The following PLXNA1 variants were observed in gnomAD, a reference collection of about 807,000 sequenced individuals.
The protein encoded by PLXNA1 is plexin A1.
Under a neutral mutation model 191.7 loss-of-function variants are expected in PLXNA1, and 77 were observed. That is an observed-to-expected ratio of 0.40 (90% CI 0.33 to 0.49). The LOEUF is 0.49. Among genes scored for constraint, PLXNA1 ranks in the 20% least tolerant of loss-of-function variants. PLXNA1 has a pLI of 0.63. For missense variants in PLXNA1, 2,110 were observed against 2,660.2 expected, an observed-to-expected ratio of 0.79 and a Z score of 4.55; for synonymous variants, 1,137 against 1,156.4, an observed-to-expected ratio of 0.98 and a Z score of 0.34.
At chr3:126,984,918 C>T (rs1171699360) in intron 1 of PLXNA1, among the ~76,000 whole-genome samples, 2 of 152,218 alleles carry the variant, frequency 1.3e-5, no homozygotes, top group African/African-American at 4.8e-5. Context: ...GACTCCAAGG[C>T]CTTCAGAGCC....
intron 2 of PLXNA1, among the ~76,000 whole-genome samples, chr3:126,990,728 G>A (rs2078986101): frequency 1.3e-5 from 2 of 152,228 alleles, no homozygotes; most frequent in African/African-American, 4.8e-5. Flanking sequence ...CACGCTCACT[G>A]CCTGTGTGAG....
chr3:127,014,062 C>T lies in PLXNA1; in HGVS notation c.2356C>T (p.Leu786=), dbSNP rs1481397537. 6.2e-7 allele frequency: 1 copy of T among 1,614,032 alleles called. No homozygotes were observed. Among genetic ancestry groups the T allele is most frequent in the Non-Finnish European group, 8.5e-7 (1 of 1,180,000 alleles). The part of the protein sequence containing the change: ...GNDVSDLPVN[L]SVVWNGNFVI... ...CGATGTCAGCGACCTGCCAGTGAAC[C>T]TGTCAGTCGTGTGGAACGGCAACTT... Residue 786 remains leucine (L), a synonymous_variant, in exon 11 of 32, where the codon CTG becomes TTG. Coordinates refer to ENST00000393409, the MANE Select transcript of PLXNA1 (RefSeq NM_032242.4).
chr3:127,013,791 G>A (rs956080773), intron 10 of PLXNA1, among the ~76,000 whole-genome samples: 1 of 152,228 alleles, frequency 6.6e-6, no homozygotes, highest in Admixed American at 6.5e-5. Context: ...AGGTGACTGT[G>A]GGAAGCACAG....
intron 3 of PLXNA1, among the ~76,000 whole-genome samples, chr3:127,002,476 G>A (rs929059100): frequency 4.6e-5 from 7 of 152,250 alleles, no homozygotes; most frequent in South Asian, 2.1e-4. Context: ...CTCTGTAACC[G>A]TGAGGAGTGA....
At position 127,012,140 on chromosome 3, in the gene PLXNA1, G is replaced by A; in HGVS notation, c.2295G>A (p.Leu765=). 1 of 1,612,350 alleles carries A rather than the reference G, an allele frequency of 6.2e-7. No individual in the cohort carries two copies. The highest frequency in any genetic ancestry group is 1.3e-5 in the African/African-American group (1 of 75,060). Residue 765 remains leucine (L), a synonymous_variant, in exon 10 of 32, where the codon CTG becomes CTA. Coordinates refer to ENST00000393409, the MANE Select transcript of PLXNA1 (RefSeq NM_032242.4). ...CCCTGCGCTTCAACAGCTCCAGCCT[G>A]CAGTGCCAGAATTCCTCGGTGAGGT... ...VTALRFNSSS[L]QCQNSSYSYE... is the part of the protein sequence containing the mutation.
In PLXNA1 at chr3:127,004,892, C is replaced by T. The variant is rs926249946; in HGVS notation, c.1627C>T (p.Arg543Trp). ...CAACCCCTCTGCCTGCAGCTGCTCG[C>T]GGCGGGACGCCTGTGAGCGAGCAGA... ...GWCVLHSICS[R>W]RDACERADEP... The change falls in exon 6 of 32, where the codon CGG (arginine) becomes TGG (tryptophan). Residue 543 changes from arginine (R) to tryptophan (W), a missense_variant. Transcript: ENST00000393409. The T allele has an allele frequency of 1.3e-5, 21 of 1,594,926 alleles. No homozygotes were observed. The highest frequency in any genetic ancestry group is 1.6e-5 in the Non-Finnish European group (19 of 1,168,602).
chr3:126,997,871 G>C (rs999079696), intron 3 of PLXNA1, among the ~76,000 whole-genome samples: 1 of 152,268 alleles, frequency 6.6e-6, no homozygotes, highest in Non-Finnish European at 1.5e-5. Flanking sequence ...CATTGATAAG[G>C]TGGAGGCAGC....
intron 9 of PLXNA1, among the ~76,000 whole-genome samples, chr3:127,011,487 A>G (rs2079095322): frequency 6.6e-6 from 1 of 152,224 alleles, no homozygotes; most frequent in South Asian, 2.1e-4. Context: ...CCGAGGGGCC[A>G]TCTCCTGAGG....
intron 9 of PLXNA1, among the ~76,000 whole-genome samples, chr3:127,011,158 CAG>C (rs1317544876): frequency 2.6e-5 from 4 of 152,248 alleles, no homozygotes; most frequent in African/African-American, 7.2e-5. Flanking sequence ...TCTGGGAACA[CAG>C]AGTTGCAAGT....
rs143684370 is a variant in PLXNA1, at chr3:127,016,553, C to T, written c.3051C>T (p.Pro1017=). The T allele has an allele frequency of 2.4e-4, 394 of 1,613,834 alleles. No individual in the cohort carries two copies. The highest frequency in any genetic ancestry group is 3.7e-4 in the Admixed American group (22 of 60,018). The change falls in exon 16 of 32, where the codon CCC becomes CCT. Residue 1017 remains proline, a synonymous_variant. Transcript: ENST00000393409. ...NSREIRCLTP[P]GQSPGSAPII... ...GTGAGATCCGGTGCCTGACACCCCC[C>T]GGGCAGAGCCCTGGCAGCGCTCCCA... is the stretch of plus-strand genomic sequence containing the variant.
At chr3:126,985,095 G>A (rs2078951790) in intron 1 of PLXNA1, among the ~76,000 whole-genome samples, 1 of 152,210 alleles carries the variant, frequency 6.6e-6, no homozygotes, top group African/African-American at 2.4e-5. Flanking sequence ...GCCATAGCAG[G>A]ATCTGGCGCA....
intron 23 of PLXNA1, among the ~76,000 whole-genome samples, chr3:127,025,540 C>T (rs934180368): frequency 5.9e-5 from 9 of 152,110 alleles, no homozygotes; most frequent in South Asian, 4.1e-4. Flanking sequence ...TTGGCCATGG[C>T]CACCTGCTCC....
intron 3 of PLXNA1, among the ~76,000 whole-genome samples, chr3:126,995,292 C>T (rs968043453): frequency 2.0e-5 from 3 of 152,176 alleles, no homozygotes; most frequent in African/African-American, 7.2e-5. Flanking sequence ...CTTCCTGCGC[C>T]CTGCTCCCAG....
rs1416923133 is a variant in PLXNA1, at chr3:127,036,111, C to T, written c.*2094C>T. On this transcript the variant is annotated 3_prime_UTR_variant, in exon 32 of 32. Transcript: ENST00000393409. ...GCTGGGATTCCTGTTCCTGGGTGCGCCTCCACCTCCCTTCTGATGTTTCCT... is the reference window on the plus strand; with the variant it reads ...GCTGGGATTCCTGTTCCTGGGTGCGTCTCCACCTCCCTTCTGATGTTTCCT... 1 of 152,768 alleles carries T rather than the reference C, an allele frequency of 6.5e-6. No homozygotes were observed. The highest frequency in any genetic ancestry group is 1.5e-5 in the Non-Finnish European group (1 of 68,150). The allele number at this position is 152,768 out of a possible 1,614,324, so 9.5% of individuals were successfully genotyped here. A position where few individuals can be genotyped will look rare whatever the true frequency, so the allele number is the denominator to read the frequency against.
intron 1 of PLXNA1, among the ~76,000 whole-genome samples, chr3:126,987,304 G>A (rs973424737): frequency 6.6e-6 from 1 of 152,222 alleles, no homozygotes; most frequent in African/African-American, 2.4e-5. Context: ...CTTTTCCAGA[G>A]GCAGTGGAGG....
At chr3:126,991,903 G>A in intron 3 of PLXNA1, among the ~76,000 whole-genome samples, 1 of 152,112 alleles carries the variant, frequency 6.6e-6, no homozygotes, top group East Asian at 1.9e-4. Flanking sequence ...GGTGGTGAGG[G>A]CAGGCCTGCG....
chr3:127,034,165 C>T lies in PLXNA1; in HGVS notation c.*148C>T, dbSNP rs766208438. ...CCCGGCCCTCCCTCCCCTGCCTCACCCGGTCGGGTCCCGGCTCTTCCTGTG... is the reference window on the plus strand; with the variant it reads ...CCCGGCCCTCCCTCCCCTGCCTCACTCGGTCGGGTCCCGGCTCTTCCTGTG... On this transcript the variant is annotated 3_prime_UTR_variant, in exon 32 of 32. Coordinates refer to ENST00000393409, the MANE Select transcript of PLXNA1 (RefSeq NM_032242.4). 372 of 668,922 alleles carry T rather than the reference C, an allele frequency of 5.6e-4. No individual in the cohort carries two copies. The highest frequency in any genetic ancestry group is 8.2e-4 in the Non-Finnish European group (323 of 394,172). 41.4% of individuals were successfully genotyped at this position (668,922 alleles called of 1,614,324 possible).
chr3:127,023,655 G>A (rs2079162966), intron 23 of PLXNA1, among the ~76,000 whole-genome samples: 1 of 152,210 alleles, frequency 6.6e-6, no homozygotes, highest in Non-Finnish European at 1.5e-5. Context: ...CTGGGCCGTG[G>A]GGCTTTCAGG....
chr3:127,016,426 G>A, intron 15 of PLXNA1, 91 bp from the exon 16 acceptor site: 1 of 1,128,064 alleles, frequency 8.9e-7, no homozygotes, highest in Non-Finnish European at 1.3e-6. Flanking sequence ...GTGACAGATG[G>A]CGCTGTTCCC....
Sources: gnomAD v4.1 joint callset for allele counts (sites outside exome capture counted in the v4.1 genomes callset) on GRCh38, gnomAD v4.1.1 for gene constraint, MANE v1.5 for transcripts, NCBI Gene and HGNC (gene_info 2026-07-23, HGNC 2026-07-21) for gene names.